JMJD4: variants seen among roughly 807,000 people sequenced by gnomAD.
JMJD4 encodes the protein 2-oxoglutarate and iron-dependent oxygenase JMJD4.
JMJD4 carries 34 observed loss-of-function variants against 36.3 expected under a neutral mutation model. That is an observed-to-expected ratio of 0.94 (90% CI 0.71 to 1.25). The LOEUF (loss-of-function observed/expected upper bound fraction) is 1.25. JMJD4 is among the 50% of genes most tolerant of loss of function. JMJD4 has a pLI of 0.00. For missense variants in JMJD4, 584 were observed against 559.1 expected (o/e 1.04, Z -0.45); for synonymous variants, 269 against 235.3 (o/e 1.14, Z -1.31).
At position 227,732,616 on chromosome 1, in the gene JMJD4, T is replaced by C. The variant is rs755529521; in HGVS notation, c.1030A>G (p.Ile344Val). The C allele has an allele frequency of 3.1e-6, 5 of 1,613,540 alleles. No individual in the cohort carries two copies. Among genetic ancestry groups the C allele is most frequent in the African/African-American group, 2.7e-5 (2 of 75,066 alleles). The change falls in exon 6 of 6, where the codon ATC becomes GTC. Residue 344 changes from isoleucine (I) to valine (V), a missense_variant. Coordinates refer to ENST00000620518, the MANE Select transcript of JMJD4 (RefSeq NM_023007.3). ...AGGACCAGGAGCCTCTTCTCAGCGA[T>C]GACCTTGAGGAAGTGGTAAAACTCT... ...FEEFYHFLKV[I>V]AEKRLLVLRE...
chr1:227,732,209 G>A lies in JMJD4; in HGVS notation c.*183C>T. 1 of 669,128 alleles carries A rather than the reference G, an allele frequency of 1.5e-6. No homozygotes were observed. Among genetic ancestry groups the A allele is most frequent in the Non-Finnish European group, 2.6e-6 (1 of 388,908 alleles). 41.4% of individuals were successfully genotyped at this position (669,128 alleles called of 1,614,324 possible). A position where few individuals can be genotyped will look rare whatever the true frequency, so the allele number is the denominator to read the frequency against. ...TCAGAAGGGCCACATCCCATCTTGG[G>A]TCCCTGACCTCATTGGGCCTCACCT... On this transcript the variant is annotated 3_prime_UTR_variant, in exon 6 of 6. Transcript: ENST00000620518.
chr1:227,734,450 GAAA>G, intron 2 of JMJD4, 198 bp downstream of exon 2: 1 of 449,514 alleles, frequency 2.2e-6, no homozygotes, highest in Non-Finnish European at 3.9e-6. Flanking sequence ...AAAAAAAAAG[GAAA>G]AAAAACCATA....
intron 4 of JMJD4, 49 bp downstream of exon 4, chr1:227,733,365 C>T (rs1660801782): frequency 1.3e-6 from 2 of 1,546,062 alleles, no homozygotes; most frequent in African/African-American, 2.8e-5. Context: ...GTGCTGCCGT[C>T]TTCCTGCAGG....
chr1:227,731,706 C>T lies in JMJD4; in HGVS notation c.*686G>A, dbSNP rs1660659352. 6.5e-6 allele frequency: 1 copy of T among 154,388 alleles called. No individual in the cohort carries two copies. The highest frequency in any genetic ancestry group is 1.4e-5 in the Non-Finnish European group (1 of 69,530). 9.6% of individuals were successfully genotyped at this position (154,388 alleles called of 1,614,324 possible). A position where few individuals can be genotyped will look rare whatever the true frequency, so the allele number is the denominator to read the frequency against. On this transcript the variant is annotated 3_prime_UTR_variant, in exon 6 of 6. Coordinates refer to ENST00000620518, the MANE Select transcript of JMJD4 (RefSeq NM_023007.3). ...CCTGAGAACAGCATCCTTGGGAAGA[C>T]CCAGCTGTGAGTGCACAGCAGGCAC...
Position 227,732,622 on chromosome 1 carries a change from T to C in JMJD4, c.1024A>G (p.Lys342Glu). Reference sequence around the variant, plus strand: ...AGGAGCCTCTTCTCAGCGATGACCTTGAGGAAGTGGTAAAACTCTTCAAAG... The same window carrying C: ...AGGAGCCTCTTCTCAGCGATGACCTCGAGGAAGTGGTAAAACTCTTCAAAG... ...INFEEFYHFL[K>E]VIAEKRLLVL... The change falls in exon 6 of 6, where the codon AAG becomes GAG. Residue 342 changes from lysine (K) to glutamate (E), a missense_variant. Coordinates refer to ENST00000620518, the MANE Select transcript of JMJD4 (RefSeq NM_023007.3). 1 of 1,613,438 alleles carries C rather than the reference T, an allele frequency of 6.2e-7. No homozygotes were observed. The highest frequency in any genetic ancestry group is 8.5e-7 in the Non-Finnish European group (1 of 1,179,988).
In JMJD4 at chr1:227,735,285, C is replaced by A; in HGVS notation, c.-12G>T. 1 of 1,606,140 alleles carries A rather than the reference C, an allele frequency of 6.2e-7. No individual in the cohort carries two copies. The highest frequency in any genetic ancestry group is 1.1e-5 in the South Asian group (1 of 90,168). On this transcript the variant is annotated 5_prime_UTR_variant, in exon 1 of 6. Coordinates refer to ENST00000620518, the MANE Select transcript of JMJD4 (RefSeq NM_023007.3). ...GTCTCGCGGTCCATCCAGCTCAGCACGGGTCGAAGGACCCTCCTCCTCACT... is the reference window on the plus strand; with the variant it reads ...GTCTCGCGGTCCATCCAGCTCAGCAAGGGTCGAAGGACCCTCCTCCTCACT...
chr1:227,735,177 C>A lies in JMJD4; in HGVS notation c.97G>T (p.Val33Phe). 6.3e-7 allele frequency: 1 copy of A among 1,580,762 alleles called. No homozygotes were observed. The highest frequency in any genetic ancestry group is 8.6e-7 in the Non-Finnish European group (1 of 1,164,230). Residue 33 changes from valine (V) to phenylalanine (F), a missense_variant, in exon 1 of 6, where the codon GTC becomes TTC. Physicochemically the swap from Val to Phe is conservative, Grantham distance 50 (BLOSUM62 -1). Coordinates refer to ENST00000620518, the MANE Select transcript of JMJD4 (RefSeq NM_023007.3). ...VGQAPGRVAF[V>F]SEPGAFSYAD... ...TAGGAGAAGGCGCCCGGCTCCGAGA[C>A]GAAGGCTACCCGGCCCGGAGCCTGG...
At position 227,732,909 on chromosome 1, in the gene JMJD4, G is replaced by C. The variant is rs1039168264; in HGVS notation, c.941C>G (p.Ser314Cys). 1 of 1,612,840 alleles carries C rather than the reference G, an allele frequency of 6.2e-7. No homozygotes were observed. The highest frequency in any genetic ancestry group is 8.5e-7 in the Non-Finnish European group (1 of 1,180,014). Residue 314 changes from serine (S) to cysteine (C), a missense_variant, in exon 5 of 6, where the codon TCC becomes TGC. Ser to Cys is a moderately radical substitution (Grantham distance 112). Coordinates refer to ENST00000620518, the MANE Select transcript of JMJD4 (RefSeq NM_023007.3). Reference sequence around the variant, plus strand: ...GCAGTGGTGGTGCCAGTCGGGCATGGAGTCCCTCCACTCGCTGACCTCCTC... The same window carrying C: ...GCAGTGGTGGTGCCAGTCGGGCATGCAGTCCCTCCACTCGCTGACCTCCTC... ...VQEEVSEWRD[S>C]MPDWHHHCQV...
rs770697998 is a variant in JMJD4 at position 227,733,038 on chromosome 1, C to A, written c.823-11G>T. 5 of 1,613,088 alleles carry A rather than the reference C, an allele frequency of 3.1e-6. No homozygotes were observed. The highest frequency in any genetic ancestry group is 4.2e-6 in the Non-Finnish European group (5 of 1,179,922). On this transcript the variant is annotated splice_polypyrimidine_tract_variant and intron_variant, in intron 4 of 5. Transcript: ENST00000620518. The stretch of plus-strand genomic sequence containing the variant: ...GGAGATGGTGTCATCCTGGAAGGGG[C>A]ACAGTGCAGGCAGGCCTGAGCCCAT...
intron 1 of JMJD4, 34 bp from the exon 2 acceptor site, chr1:227,734,850 T>A (rs752622320): frequency 6.2e-7 from 1 of 1,611,886 alleles, no homozygotes; most frequent in South Asian, 1.1e-5. Context: ...GCCATCTCCC[T>A]GGGCCCCGTC....
chr1:227,732,818 G>A (rs1012659095), intron 5 of JMJD4, 63 bp downstream of exon 5: 4 of 1,603,702 alleles, frequency 2.5e-6, no homozygotes, highest in Admixed American at 3.4e-5. Flanking sequence ...GACCAAGGGA[G>A]TCTGAGCCAT....
chr1:227,733,503 G>A lies in JMJD4; in HGVS notation c.733C>T (p.Gln245Ter), dbSNP rs551753524. ...LCDTHLHPRNQLAGPPLEITQ... is the reference protein window; with the variant it reads ...LCDTHLHPRN ...ATCTCCAAGGGTGGGCCAGCAAGCT[G>A]GTTCCGTGGGTGCAGGTGTGTGTCG... Residue 245 changes from glutamine (Q) to a stop codon, truncating the protein, a stop_gained, in exon 4 of 6, where the codon CAG (glutamine) becomes TAG (stop). Coordinates refer to ENST00000620518, the MANE Select transcript of JMJD4 (RefSeq NM_023007.3). LOFTEE classifies it high-confidence loss of function. The A allele has an allele frequency of 6.3e-7, 1 of 1,595,680 alleles. No homozygotes were observed. Among genetic ancestry groups the A allele is most frequent in the East Asian group, 2.2e-5 (1 of 44,564 alleles).
At chr1:227,734,249 A>G (rs950155748) in intron 2 of JMJD4, 2 of 565,494 alleles carry the variant, frequency 3.5e-6, no homozygotes, top group Non-Finnish European at 6.2e-6. Flanking sequence ...GAAAGTACTG[A>G]TCATGCCTAT....
intron 3 of JMJD4, 101 bp from the exon 4 acceptor site, chr1:227,733,782 G>T: frequency 6.3e-7 from 1 of 1,583,114 alleles, no homozygotes; most frequent in Non-Finnish European, 8.5e-7. Flanking sequence ...GTGGCCCCTT[G>T]GTCTCAAGGG....
At position 227,735,295 on chromosome 1, in the gene JMJD4, G is replaced by A. The variant is rs1661025809; in HGVS notation, c.-22C>T. 3.7e-6 allele frequency: 6 copies of A among 1,605,302 alleles called. No homozygotes were observed. Among genetic ancestry groups the A allele is most frequent in the African/African-American group, 1.3e-5 (1 of 74,602 alleles). ...CCATCCAGCTCAGCACGGGTCGAAG[G>A]ACCCTCCTCCTCACTTCCGCCGGAG... On this transcript the variant is annotated 5_prime_UTR_variant, in exon 1 of 6. Coordinates refer to ENST00000620518, the MANE Select transcript of JMJD4 (RefSeq NM_023007.3).
intron 2 of JMJD4, 140 bp downstream of exon 2, chr1:227,734,511 G>A: frequency 1.4e-6 from 1 of 723,232 alleles, no homozygotes; most frequent in Non-Finnish European, 2.3e-6. Flanking sequence ...AGACAATCCA[G>A]TTTCTTTTAA....
chr1:227,733,501 C>T lies in JMJD4; in HGVS notation c.735G>A (p.Gln245=), dbSNP rs1571963590. 6.3e-7 allele frequency: 1 copy of T among 1,594,984 alleles called. No homozygotes were observed. The highest frequency in any genetic ancestry group is 8.5e-7 in the Non-Finnish European group (1 of 1,170,518). The change falls in exon 4 of 6, where the codon CAG becomes CAA. Residue 245 remains glutamine, a synonymous_variant. Coordinates refer to ENST00000620518, the MANE Select transcript of JMJD4 (RefSeq NM_023007.3). ...LCDTHLHPRN[Q]LAGPPLEITQ... ...TGATCTCCAAGGGTGGGCCAGCAAG[C>T]TGGTTCCGTGGGTGCAGGTGTGTGT...
Position 227,732,290 on chromosome 1 carries a change from G to A in JMJD4, c.*102C>T, listed in dbSNP as rs775515248. 1.5e-6 allele frequency: 2 copies of A among 1,373,418 alleles called. No individual in the cohort carries two copies. Among genetic ancestry groups the A allele is most frequent in the African/African-American group, 2.9e-5 (2 of 69,624 alleles). 85.1% of individuals were successfully genotyped at this position (1,373,418 alleles called of 1,614,324 possible). On this transcript the variant is annotated 3_prime_UTR_variant, in exon 6 of 6. Coordinates refer to ENST00000620518, the MANE Select transcript of JMJD4 (RefSeq NM_023007.3). ...CAGCCAGGCCACAAGCCTCGACAGG[G>A]GTGGGCCCCAGGTCACAGGGAGGGC...
intron 5 of JMJD4, 92 bp downstream of exon 5, chr1:227,732,789 C>T: frequency 4.4e-6 from 7 of 1,591,460 alleles, no homozygotes; most frequent in Non-Finnish European, 6.0e-6. Flanking sequence ...AAGACAGAGG[C>T]ACTGAGAAGC....
Sources: gnomAD v4.1 joint callset for allele counts on GRCh38, gnomAD v4.1.1 for gene constraint, MANE v1.5 for transcripts, NCBI Gene and HGNC (gene_info 2026-07-23, HGNC 2026-07-21) for gene names.